The following TRMT2B variants were observed in gnomAD, a reference collection of about 807,000 sequenced individuals.
TRMT2B encodes tRNA (uracil-5-)-methyltransferase homolog B.
Under a neutral mutation model 39.7 loss-of-function variants are expected in TRMT2B, and 34 were observed. That is an observed-to-expected ratio of 0.86 (90% confidence interval 0.65 to 1.14). The LOEUF is 1.14. Ranked by LOEUF, TRMT2B falls within the 50% of genes most tolerant of loss-of-function variation. TRMT2B has a pLI of 0.00. For missense variants in TRMT2B, 318 were observed against 377.2 expected (o/e 0.84, Z 1.30); for synonymous variants, 132 against 137.3 (o/e 0.96, Z 0.27).
intron 13 of TRMT2B, among the ~76,000 whole-genome samples, chrX:101,013,441 G>A (rs2086355221): frequency 9.0e-6 from 1 of 111,037 alleles, no homozygotes; most frequent in Non-Finnish European, 1.9e-5. Flanking sequence ...ATACCAGATT[G>A]GCAATAACTA....
chrX:101,007,895 A>G (rs747971030), downstream of TRMT2B, among the ~76,000 whole-genome samples: 8 of 110,829 alleles, frequency 7.2e-5, no homozygotes, highest in Non-Finnish European at 1.1e-4. Context: ...AAGCAGCAAC[A>G]GTTGTGAAGA....
At chrX:101,030,481 C>G (rs949386212) in intron 7 of TRMT2B, among the ~76,000 whole-genome samples, 1 of 33,764 alleles carries the variant, frequency 3.0e-5, no homozygotes, top group East Asian at 3.1e-4. Context: ...GATGGAGTCT[C>G]GCTCTTTTAC....
chrX:101,004,355 T>C (rs2086087210), downstream of TRMT2B, among the ~76,000 whole-genome samples: 1 of 110,864 alleles, frequency 9.0e-6, no homozygotes, highest in Admixed American at 9.7e-5. Flanking sequence ...AAAACCATAT[T>C]TTGGTTCTCA....
At chrX:101,024,945 C>T (rs891726399) in intron 7 of TRMT2B, among the ~76,000 whole-genome samples, 4 of 108,344 alleles carry the variant, frequency 3.7e-5, no homozygotes, top group Admixed American at 1.0e-4. Flanking sequence ...TGCAGTGAGC[C>T]GAGATCTTAC....
At chrX:101,017,690 A>T (rs1356392204) in intron 13 of TRMT2B, among the ~76,000 whole-genome samples, 2 of 111,930 alleles carry the variant, frequency 1.8e-5, no homozygotes, top group African/African-American at 6.5e-5. Context: ...GCAAAATTTA[A>T]TAGGGTGCCA....
intron 13 of TRMT2B, among the ~76,000 whole-genome samples, chrX:101,018,300 G>A (rs1056229951): frequency 2.7e-5 from 3 of 110,349 alleles, no homozygotes; most frequent in Non-Finnish European, 5.7e-5. Flanking sequence ...CCGTGATTGT[G>A]CCACTGTGCT....
intron 7 of TRMT2B, among the ~76,000 whole-genome samples, chrX:101,024,652 G>A (rs1002783274): frequency 9.0e-6 from 1 of 111,307 alleles, no homozygotes; most frequent in African/African-American, 3.3e-5. Flanking sequence ...TGGCAACCCC[G>A]TCTCTACTAA....
chrX:101,018,086 A>T (rs749041450), intron 13 of TRMT2B, among the ~76,000 whole-genome samples: 1 of 111,443 alleles, frequency 9.0e-6, no homozygotes, highest in African/African-American at 3.3e-5. Flanking sequence ...CAAAAAAATT[A>T]GCCAGGCACT....
intron 2 of TRMT2B, among the ~76,000 whole-genome samples, chrX:101,042,566 G>A (rs916134557): frequency 3.6e-5 from 4 of 111,518 alleles, no homozygotes; most frequent in Non-Finnish European, 7.5e-5. Context: ...ATATTTCTGT[G>A]ACAAATCTCT....
the TRMT2B span, chrX:100,974,141 C>T: frequency 8.4e-7 from 1 of 1,191,078 alleles, no homozygotes. Flanking sequence ...GTGACCATCC[C>T]TATCATTGGC....
chrX:101,025,308 A>C (rs2087010487), intron 7 of TRMT2B, among the ~76,000 whole-genome samples: 1 of 111,546 alleles, frequency 9.0e-6, no homozygotes. Context: ...CCTGGTACCA[A>C]CTATATTATG....
At chrX:101,049,522 G>A (rs949571842) in intron 2 of TRMT2B, among the ~76,000 whole-genome samples, 1 of 106,381 alleles carries the variant, frequency 9.4e-6, no homozygotes, top group Non-Finnish European at 1.9e-5. Context: ...AGCCAGGCGG[G>A]GTGGCTCAGG....
the TRMT2B span, among the ~76,000 whole-genome samples, chrX:100,985,177 A>G: frequency 5.1e-3 from 577 of 112,084 alleles, 5 homozygotes; most frequent in African/African-American, 0.018. Flanking sequence ...TCCCAGGGCA[A>G]GAGAGAGCAA....
At chrX:101,027,485 G>A (rs1205902396) in intron 7 of TRMT2B, among the ~76,000 whole-genome samples, 1 of 106,807 alleles carries the variant, frequency 9.4e-6, no homozygotes, top group Non-Finnish European at 1.9e-5. Context: ...CTTGTGATCC[G>A]CCCACCTTGG....
At chrX:100,981,667 G>C in the TRMT2B span, among the ~76,000 whole-genome samples, 1 of 107,821 alleles carries the variant, frequency 9.3e-6, no homozygotes, top group African/African-American at 3.4e-5. Flanking sequence ...AAATTAGCCA[G>C]GTATGGTGAC....
At chrX:101,043,888 G>A (rs1468339937) in intron 2 of TRMT2B, among the ~76,000 whole-genome samples, 1 of 112,114 alleles carries the variant, frequency 8.9e-6, no homozygotes, top group African/African-American at 3.2e-5. Context: ...TTATTGTGAA[G>A]GTAACAGTGA....
rs1174600278 is a variant in TRMT2B, at chrX:101,041,957, C to T, written c.248+85G>A. On this transcript the variant is annotated intron_variant, in intron 3 of 13. Coordinates refer to ENST00000372936, the MANE Select transcript of TRMT2B (RefSeq NM_024917.6). ...GGCCCCTCAAATCCTTGTAATGCTA[C>T]ATTAGTTACACTAGGAATACAGAAT... The T allele has an allele frequency of 8.1e-6, 9 of 1,115,632 alleles. No homozygotes were observed. The East Asian group carries it at 9.1e-5, about 11-fold the overall frequency. 91.9% of individuals were successfully genotyped at this position (1,115,632 alleles called of 1,213,427 possible).
At chrX:100,982,854 A>G in the TRMT2B span, among the ~76,000 whole-genome samples, 1 of 110,236 alleles carries the variant, frequency 9.1e-6, no homozygotes, top group Non-Finnish European at 1.9e-5. Flanking sequence ...CTGAGACACA[A>G]TCAGGCATGG....
rs1167130959 is a variant in TRMT2B at position 101,042,326 on chromosome X, A to G, written c.-23-14T>C. 1.7e-6 allele frequency: 2 copies of G among 1,187,488 alleles called. No individual in the cohort carries two copies. The highest frequency in any genetic ancestry group is 2.3e-6 in the Non-Finnish European group (2 of 882,323). On this transcript the variant is annotated splice_polypyrimidine_tract_variant and intron_variant, in intron 2 of 13. Coordinates refer to ENST00000372936, the MANE Select transcript of TRMT2B (RefSeq NM_024917.6). ...ACTGAAATCCACCTGCATGAAAGGT[A>G]CACATACAGAGGTTGGGAAATAGAA...
Sources: gnomAD v4.1 joint callset for allele counts (sites outside exome capture counted in the v4.1 genomes callset) on GRCh38, gnomAD v4.1.1 for gene constraint, MANE v1.5 for transcripts, NCBI Gene and HGNC (gene_info 2026-07-23, HGNC 2026-07-21) for gene names.